KCNMB2: variants seen among roughly 807,000 people sequenced by gnomAD.
The protein encoded by KCNMB2 is potassium calcium-activated channel subfamily M regulatory beta subunit 2.
Under a neutral mutation model 24.5 loss-of-function variants are expected in KCNMB2, and 9 were observed. The ratio of observed to expected loss-of-function variants is 0.37; its 90% CI spans 0.22 to 0.64. The LOEUF (loss-of-function observed/expected upper bound fraction) is 0.64. Among genes scored for constraint, KCNMB2 ranks in the 30% least tolerant of loss-of-function variants. The pLI is 0.63. For missense variants in KCNMB2, 226 were observed against 284.3 expected (o/e 0.79, Z 1.47); for synonymous variants, 109 against 104.4 (o/e 1.04, Z -0.27).
At position 178,541,850 on chromosome 3, in the gene KCNMB2, C is replaced by T. The variant is rs532994060; in HGVS notation, c.-68+5139C>T. Among the ~76,000 whole-genome samples the T allele has an allele frequency of 9.2e-5, 14 of 152,290 alleles. No homozygotes were observed. The South Asian group carries it at 2.7e-3, about 29-fold the overall frequency. On this transcript the variant is annotated intron_variant, in intron 1 of 4. Transcript: ENST00000452583. ...TAAACTTAACTTCCTCATAAAGCAA[C>T]CTTTTTCGATTACCTACTACACCCT...
chr3:178,650,555 T>C (rs1011599156), intron 1 of KCNMB2, among the ~76,000 whole-genome samples: 15 of 152,032 alleles, frequency 9.9e-5, no homozygotes, highest in Non-Finnish European at 1.6e-4. Flanking sequence ...CCTCACTCAT[T>C]TCATGAGGCC....
intron 1 of KCNMB2, among the ~76,000 whole-genome samples, chr3:178,614,245 TTTTA>T (rs1718599537): frequency 5.0e-5 from 3 of 59,858 alleles, no homozygotes; most frequent in Admixed American, 1.9e-4. Context: ...ACTGGGCTAA[TTTTA>T]TATATATATA....
chr3:178,617,618 G>T (rs564286340), intron 1 of KCNMB2, among the ~76,000 whole-genome samples: 1 of 151,954 alleles, frequency 6.6e-6, no homozygotes, highest in African/African-American at 2.4e-5. Flanking sequence ...AGCGAGGCGC[G>T]GTGGCTCATG....
rs893853159 is a variant in KCNMB2 at position 178,726,071 on chromosome 3, G to A, written c.-67-81272G>A. ...TGCTTAAATTTAATTTATTTAATGT[G>A]TTTTTAATTATCTCAGTGAATAATA... On this transcript the variant is annotated intron_variant, in intron 1 of 4. Transcript: ENST00000452583. Among the ~76,000 whole-genome samples, 7 of 151,566 alleles carry A rather than the reference G, an allele frequency of 4.6e-5. No individual in the cohort carries two copies. In the East Asian group the frequency reaches 1.4e-3, roughly 29 times the overall value.
chr3:178,540,238 C>T (rs574615097), intron 1 of KCNMB2, among the ~76,000 whole-genome samples: 5 of 152,326 alleles, frequency 3.3e-5, no homozygotes, highest in African/African-American at 1.2e-4. Context: ...AAGGCCTCTA[C>T]CTTCAAACTG....
intron 1 of KCNMB2, among the ~76,000 whole-genome samples, chr3:178,743,813 C>A (rs561954524): frequency 2.2e-4 from 34 of 152,272 alleles, no homozygotes; most frequent in Non-Finnish European, 4.7e-4. Flanking sequence ...GCATTTGATG[C>A]AGGAGGATCA....
At chr3:178,679,432 C>A (rs1052845842) in intron 1 of KCNMB2, among the ~76,000 whole-genome samples, 2 of 152,124 alleles carry the variant, frequency 1.3e-5, no homozygotes, top group Non-Finnish European at 2.9e-5. Flanking sequence ...TGAATGAATG[C>A]GTATTAAAAT....
chr3:178,786,546 C>G (rs919725763), intron 1 of KCNMB2, among the ~76,000 whole-genome samples: 1 of 152,098 alleles, frequency 6.6e-6, no homozygotes, highest in Non-Finnish European at 1.5e-5. Context: ...TAACAAGGAT[C>G]AGTGGAGGAC....
intron 1 of KCNMB2, among the ~76,000 whole-genome samples, chr3:178,641,137 TCTAA>T (rs1235811636): frequency 6.6e-6 from 1 of 152,202 alleles, no homozygotes. Context: ...GTTTCAGTTC[TCTAA>T]CTTTGTTCTT....
chr3:178,739,691 G>A (rs1426638076), intron 1 of KCNMB2, among the ~76,000 whole-genome samples: 1 of 152,106 alleles, frequency 6.6e-6, no homozygotes, highest in African/African-American at 2.4e-5. Flanking sequence ...TAGTCTACAG[G>A]AAAAAGATGC....
intron 1 of KCNMB2, among the ~76,000 whole-genome samples, chr3:178,556,308 T>C (rs1437082293): frequency 6.6e-6 from 1 of 152,238 alleles, no homozygotes; most frequent in Admixed American, 6.5e-5. Context: ...GCAATCATTT[T>C]AGGGTAGAGA....
Position 178,825,763 on chromosome 3 carries a change from TACCAC to T in KCNMB2, c.227+6_227+10del. Reference sequence around the variant, plus strand: ...CCTGCGCTCATACATGCAGAGGTAATACCACTGGGTGGGTGGGACCCTGCTGTTTG... The same window carrying T: ...CCTGCGCTCATACATGCAGAGGTAATTGGGTGGGTGGGACCCTGCTGTTTG... On this transcript the variant is annotated splice_donor_region_variant and intron_variant, in intron 3 of 4. Coordinates refer to ENST00000452583, the MANE Select transcript of KCNMB2 (RefSeq NM_181361.3). 2 of 1,597,740 alleles carry T rather than the reference TACCAC, an allele frequency of 1.3e-6. No individual in the cohort carries two copies. The highest frequency in any genetic ancestry group is 1.7e-6 in the Non-Finnish European group (2 of 1,166,952).
intron 1 of KCNMB2, among the ~76,000 whole-genome samples, chr3:178,630,854 C>T (rs1272593614): frequency 1.3e-5 from 2 of 152,082 alleles, no homozygotes; most frequent in African/African-American, 4.8e-5. Context: ...CTTAAGAGCT[C>T]TTATGAACAG....
intron 1 of KCNMB2, among the ~76,000 whole-genome samples, chr3:178,646,673 A>G (rs1206374099): frequency 6.6e-6 from 1 of 152,168 alleles, no homozygotes; most frequent in Non-Finnish European, 1.5e-5. Context: ...AGGGTGATGG[A>G]AGCATTCTCT....
chr3:178,561,516 A>G (rs192313815), intron 1 of KCNMB2, among the ~76,000 whole-genome samples: 1 of 152,318 alleles, frequency 6.6e-6, no homozygotes, highest in Admixed American at 6.5e-5. Flanking sequence ...TCACGCCTAA[A>G]TCTCCTCATG....
intron 1 of KCNMB2, among the ~76,000 whole-genome samples, chr3:178,746,386 A>C (rs1723669029): frequency 6.6e-6 from 1 of 152,094 alleles, no homozygotes; most frequent in African/African-American, 2.4e-5. Flanking sequence ...GGCTGCACAC[A>C]GCTGGGGCCC....
intron 1 of KCNMB2, among the ~76,000 whole-genome samples, chr3:178,680,346 T>C (rs1345164449): frequency 6.6e-6 from 1 of 152,132 alleles, no homozygotes; most frequent in Non-Finnish European, 1.5e-5. Flanking sequence ...ACTTTTTCCA[T>C]GTGCTCCAGC....
At chr3:178,736,655 T>C (rs1723325652) in intron 1 of KCNMB2, among the ~76,000 whole-genome samples, 1 of 152,186 alleles carries the variant, frequency 6.6e-6, no homozygotes, top group Non-Finnish European at 1.5e-5. Context: ...TTTAGAAACA[T>C]AGACCCCAAA....
At chr3:178,805,618 TA>T (rs1474408359) in intron 1 of KCNMB2, among the ~76,000 whole-genome samples, 1 of 152,054 alleles carries the variant, frequency 6.6e-6, no homozygotes, top group Non-Finnish European at 1.5e-5. Flanking sequence ...ATTTGAATTG[TA>T]ACAAATCTTT....
Sources: gnomAD v4.1 joint callset for allele counts (sites outside exome capture counted in the v4.1 genomes callset) on GRCh38, gnomAD v4.1.1 for gene constraint, MANE v1.5 for transcripts, NCBI Gene and HGNC (gene_info 2026-07-23, HGNC 2026-07-21) for gene names.